AOPEP: variants seen among roughly 807,000 people sequenced by gnomAD.
AOPEP encodes the protein aminopeptidase O (putative).
A neutral mutation model predicts 98.1 loss-of-function variants in AOPEP; 77 were observed. The ratio of observed to expected loss-of-function variants is 0.78; its 90% CI spans 0.65 to 0.95. The LOEUF (loss-of-function observed/expected upper bound fraction) is 0.95. Ranked by LOEUF, AOPEP falls within the 40% of genes least tolerant of loss-of-function variation. The pLI, the probability that AOPEP is intolerant of heterozygous loss-of-function variation, is 0.00. For synonymous variants in AOPEP, 346 were observed against 365.3 expected (o/e 0.95, Z 0.60); for missense variants, 1,024 against 1,024.7 (o/e 1.00, Z 0.01).
chr9:95,010,913 C>T (rs1053597269), intron 13 of AOPEP, among the ~76,000 whole-genome samples: 1 of 152,192 alleles, frequency 6.6e-6, no homozygotes, highest in Non-Finnish European at 1.5e-5. Context: ...TACTTTATTG[C>T]TGAAATATTT....
At chr9:95,060,973 T>C in intron 14 of AOPEP, 163 bp downstream of exon 14, 1 of 592,052 alleles carries the variant, frequency 1.7e-6, no homozygotes, top group South Asian at 2.1e-5. Context: ...CTGATTATGC[T>C]TATGCTTCTA....
intron 2 of AOPEP, among the ~76,000 whole-genome samples, chr9:94,770,447 A>G (rs1564102334): frequency 6.6e-6 from 1 of 152,206 alleles, no homozygotes; most frequent in Non-Finnish European, 1.5e-5. Context: ...GTTACAGTCC[A>G]GCTGTTGGCC....
chr9:95,077,639 C>A (rs535911601), intron 14 of AOPEP, among the ~76,000 whole-genome samples: 1 of 152,180 alleles, frequency 6.6e-6, no homozygotes, highest in Admixed American at 6.5e-5. Flanking sequence ...CTCTCTGGCC[C>A]GTAGGGCTTC....
At chr9:95,037,640 C>T (rs553265076) in intron 13 of AOPEP, among the ~76,000 whole-genome samples, 1 of 152,258 alleles carries the variant, frequency 6.6e-6, no homozygotes, top group East Asian at 1.9e-4. Context: ...TAGGAAAGAG[C>T]ATGTCAGGAG....
Position 95,060,828 on chromosome 9 carries a change from C to A in AOPEP, c.2232+18C>A. Reference sequence around the variant, plus strand: ...ATGCAGAGGTAACCAGGAACACTCTCGGAGTTTAACCAGCAGGTCCCCACT... The same window carrying A: ...ATGCAGAGGTAACCAGGAACACTCTAGGAGTTTAACCAGCAGGTCCCCACT... On this transcript the variant is annotated intron_variant, in intron 14 of 16. Coordinates refer to ENST00000375315, the MANE Select transcript of AOPEP (RefSeq NM_001193329.3). The A allele has an allele frequency of 6.7e-7, 1 of 1,499,990 alleles. No homozygotes were observed. The highest frequency in any genetic ancestry group is 9.3e-7 in the Non-Finnish European group (1 of 1,075,982). 92.9% of individuals were successfully genotyped at this position (1,499,990 alleles called of 1,614,324 possible). A position where few individuals can be genotyped will look rare whatever the true frequency, so the allele number is the denominator to read the frequency against.
chr9:94,871,999 C>A (rs1352729845), intron 5 of AOPEP, among the ~76,000 whole-genome samples: 1 of 151,538 alleles, frequency 6.6e-6, no homozygotes, highest in Non-Finnish European at 1.5e-5. Context: ...CAGAGGGAGA[C>A]CCTGTCTCAA....
chr9:95,073,709 A>G lies in AOPEP; in HGVS notation c.2233-6985A>G, dbSNP rs372419111. On this transcript the variant is annotated intron_variant, in intron 14 of 16. Transcript: ENST00000375315. ...CCATCTCTACTAAAAATACAAAAAA[A>G]TTAGCCAGGCGTGGTGGCACATGTC... 5.3e-4 allele frequency among the ~76,000 whole-genome samples: 81 copies of G among 152,246 alleles called. No homozygotes were observed. In the East Asian group the frequency reaches 7.2e-3, roughly 13 times the overall value.
chr9:94,985,957 G>C (rs756652283), intron 11 of AOPEP, among the ~76,000 whole-genome samples: 2 of 152,194 alleles, frequency 1.3e-5, no homozygotes, highest in African/African-American at 2.4e-5. Flanking sequence ...GACAGGGAGA[G>C]GGTTTATTAA....
intron 2 of AOPEP, among the ~76,000 whole-genome samples, chr9:94,768,454 G>A (rs561310017): frequency 2.0e-5 from 3 of 152,206 alleles, no homozygotes; most frequent in Non-Finnish European, 4.4e-5. Context: ...TACACGTTTG[G>A]TTGCGTAGCT....
intron 1 of AOPEP, among the ~76,000 whole-genome samples, chr9:94,755,560 C>T (rs1836829803): frequency 6.6e-6 from 1 of 152,166 alleles, no homozygotes; most frequent in Admixed American, 6.5e-5. Context: ...TCTTCTGGGG[C>T]TGGCTTAAAA....
At chr9:95,010,548 A>G (rs2062421746) in intron 13 of AOPEP, among the ~76,000 whole-genome samples, 3 of 152,248 alleles carry the variant, frequency 2.0e-5, no homozygotes, top group Admixed American at 2.0e-4. Flanking sequence ...GTGCTTTCCC[A>G]GGCGTTGGTG....
chr9:95,054,711 A>C (rs975702304), intron 13 of AOPEP, among the ~76,000 whole-genome samples: 3 of 152,214 alleles, frequency 2.0e-5, no homozygotes, highest in African/African-American at 7.2e-5. Context: ...AGAATTTCCC[A>C]AAAATCTAAT....
chr9:94,762,553 A>G (rs776310160), intron 2 of AOPEP, among the ~76,000 whole-genome samples: 3 of 152,250 alleles, frequency 2.0e-5, no homozygotes, highest in Admixed American at 6.5e-5. Flanking sequence ...TTCAGTAAAT[A>G]TATATGATCA....
At chr9:94,892,215 T>A (rs1221747858) in intron 5 of AOPEP, among the ~76,000 whole-genome samples, 2 of 152,342 alleles carry the variant, frequency 1.3e-5, no homozygotes, top group East Asian at 3.9e-4. Flanking sequence ...AAACTGTAGG[T>A]TTATGTCTTT....
intron 8 of AOPEP, 24 bp from the exon 9 acceptor site, chr9:94,955,882 TTC>T (rs757991418): frequency 2.5e-5 from 38 of 1,536,676 alleles, no homozygotes; most frequent in Non-Finnish European, 3.3e-5. Context: ...AGGCCTCTTT[TTC>T]TCTCTCTTTT....
chr9:95,062,712 G>T (rs1292672148), intron 14 of AOPEP, among the ~76,000 whole-genome samples: 1 of 152,224 alleles, frequency 6.6e-6, no homozygotes, highest in Non-Finnish European at 1.5e-5. Flanking sequence ...GATTTTCTGA[G>T]TGTAGCACTG....
At chr9:95,009,318 C>G (rs1233772959) in intron 13 of AOPEP, among the ~76,000 whole-genome samples, 1 of 151,222 alleles carries the variant, frequency 6.6e-6, no homozygotes, top group African/African-American at 2.4e-5. Flanking sequence ...TTTAGTAACT[C>G]TTTTATCAAT....
At chr9:94,928,780 T>C (rs2054793639) in intron 7 of AOPEP, 2 of 432,702 alleles carry the variant, frequency 4.6e-6, no homozygotes, top group South Asian at 2.8e-5. Context: ...GTCAGATCCT[T>C]CGTTTGAAGT....
chr9:95,129,416 G>GT, the AOPEP span, among the ~76,000 whole-genome samples: 2 of 151,962 alleles, frequency 1.3e-5, no homozygotes. Context: ...TTTGGAAGCC[G>GT]TATCTTCCCC....
Sources: gnomAD v4.1 joint callset for allele counts (sites outside exome capture counted in the v4.1 genomes callset) on GRCh38, gnomAD v4.1.1 for gene constraint, MANE v1.5 for transcripts, NCBI Gene and HGNC (gene_info 2026-07-23, HGNC 2026-07-21) for gene names.